Variants in CMTR1 observed in about 807,000 individuals in gnomAD.
CMTR1 encodes the protein cap-specific mRNA (nucleoside-2'-O-)-methyltransferase 1.
CMTR1 carries 39 observed loss-of-function variants against 107.0 expected under a neutral mutation model. The ratio of observed to expected loss-of-function variants is 0.36; its 90% CI spans 0.28 to 0.48. The LOEUF (loss-of-function observed/expected upper bound fraction) is 0.48. CMTR1 is among the 20% of genes least tolerant of loss of function. CMTR1 has a pLI of 0.99. For synonymous variants in CMTR1, 366 were observed against 379.5 expected (o/e 0.96, Z 0.41); for missense variants, 672 against 1,064.9 (o/e 0.63, Z 5.14).
upstream of CMTR1, among the ~76,000 whole-genome samples, chr6:37,431,081 C>G (rs150583742): frequency 6.6e-6 from 1 of 150,540 alleles, no homozygotes; most frequent in Non-Finnish European, 1.5e-5. Flanking sequence ...TTTTTTCCAG[C>G]ACTATTCATT....
intron 10 of CMTR1, among the ~76,000 whole-genome samples, chr6:37,460,182 GGACA>G (rs748463595): frequency 6.6e-6 from 1 of 152,246 alleles, no homozygotes; most frequent in Admixed American, 6.5e-5. Flanking sequence ...TCTAGAGGAA[GGACA>G]GACAATTTGG....
chr6:37,433,528 C>G (rs917877966), intron 1 of CMTR1, among the ~76,000 whole-genome samples, 151 bp downstream of exon 1: 12 of 152,364 alleles, frequency 7.9e-5, no homozygotes, highest in Non-Finnish European at 1.5e-4. Flanking sequence ...CCTCCCACCC[C>G]CAACGCCGGC....
the CMTR1 span, among the ~76,000 whole-genome samples, chr6:37,426,194 T>C: frequency 6.6e-6 from 1 of 152,214 alleles, no homozygotes; most frequent in Non-Finnish European, 1.5e-5. Context: ...TTTTCTTCAC[T>C]TTCTCCACAT....
At chr6:37,438,015 A>C (rs1440843571) in intron 2 of CMTR1, among the ~76,000 whole-genome samples, 1 of 151,932 alleles carries the variant, frequency 6.6e-6, no homozygotes, top group Non-Finnish European at 1.5e-5. Context: ...AATTGAGATT[A>C]CTCTTCCCCC....
upstream of CMTR1, among the ~76,000 whole-genome samples, chr6:37,430,082 G>A (rs868363102): frequency 1.3e-5 from 2 of 152,070 alleles, no homozygotes; most frequent in East Asian, 1.9e-4. Context: ...AACTATATTC[G>A]CATTGTTGTG....
Position 37,458,552 on chromosome 6 carries a change from C to CT in CMTR1, c.778-59dup. On this transcript the variant is annotated intron_variant, in intron 8 of 23. Transcript: ENST00000373451. This position sits in a 1 kb window ranked among gnomAD's most constrained non-coding sequence, Gnocchi z 4.7. ...TTTTACTCTCCCTGCATTCTCCTTC[C>CT]TGTTGCCCATTGAGCTGTCTTGTTT... The CT allele has an allele frequency of 1.3e-6, 2 of 1,535,318 alleles. No individual in the cohort carries two copies. Among genetic ancestry groups the CT allele is most frequent in the South Asian group, 2.3e-5 (2 of 86,648 alleles).
Position 37,477,655 on chromosome 6 carries a change from G to A in CMTR1, c.2153+16G>A, listed in dbSNP as rs377330120. ...TTTTTGTCAGGTGAGTGACTTGACC[G>A]GTGAAGCTCAGATTCAAGAGGAGGT... On this transcript the variant is annotated intron_variant, in intron 21 of 23. Coordinates refer to ENST00000373451, the MANE Select transcript of CMTR1 (RefSeq NM_015050.3). The A allele has an allele frequency of 2.3e-4, 362 of 1,608,030 alleles. No homozygotes were observed. Among genetic ancestry groups the A allele is most frequent in the Middle Eastern group, 6.6e-4 (4 of 6,064 alleles).
At chr6:37,474,772 G>C in intron 18 of CMTR1, 126 bp downstream of exon 18, 1 of 1,426,540 alleles carries the variant, frequency 7.0e-7, no homozygotes, top group Non-Finnish European at 9.5e-7. Context: ...CAGGGCTGGG[G>C]TAAGGGTTTA....
At chr6:37,435,803 T>C in intron 2 of CMTR1, 41 bp downstream of exon 2, 1 of 1,545,776 alleles carries the variant, frequency 6.5e-7, no homozygotes, top group Non-Finnish European at 8.7e-7. Flanking sequence ...GGCCATCTGG[T>C]TATTTGAACA....
At chr6:37,477,481 G>C (rs1433484889) in intron 20 of CMTR1, 111 bp from the exon 21 acceptor site, 1 of 939,686 alleles carries the variant, frequency 1.1e-6, no homozygotes, top group Non-Finnish European at 1.7e-6. Context: ...GTTTCAGGGA[G>C]GGCCTGGGGC....
At chr6:37,427,454 TACC>T in the CMTR1 span, among the ~76,000 whole-genome samples, 1 of 152,210 alleles carries the variant, frequency 6.6e-6, no homozygotes, top group Non-Finnish European at 1.5e-5. The surrounding 1 kb of genome is among the most constrained non-coding windows in gnomAD (Gnocchi z 4.4). Context: ...ATTAATATTT[TACC>T]ACTTTCAGTG....
intron 13 of CMTR1, among the ~76,000 whole-genome samples, chr6:37,466,834 C>CGT: frequency 6.6e-6 from 1 of 152,056 alleles, no homozygotes; most frequent in South Asian, 2.1e-4. Flanking sequence ...TCTGCACATA[C>CGT]GTGTATATAT....
chr6:37,462,709 G>T, intron 12 of CMTR1, 120 bp from the exon 13 acceptor site: 1 of 864,246 alleles, frequency 1.2e-6, no homozygotes, highest in Non-Finnish European at 1.9e-6. Context: ...TTCTTTGTGC[G>T]TAGGCCTAAG....
chr6:37,430,209 C>T (rs970831910), upstream of CMTR1, among the ~76,000 whole-genome samples: 7 of 152,190 alleles, frequency 4.6e-5, no homozygotes. Context: ...TTCCTTTCTC[C>T]ATATTCCTGC....
chr6:37,475,225 G>A lies in CMTR1; in HGVS notation c.1945-96G>A, dbSNP rs1433679768. ...CATTTAGAGCCCTACCCTTCCCCCA[G>A]CTGTAGGCAGAATGGAGCCAGCATG... On this transcript the variant is annotated intron_variant, in intron 18 of 23. Coordinates refer to ENST00000373451, the MANE Select transcript of CMTR1 (RefSeq NM_015050.3). 3 of 947,034 alleles carry A rather than the reference G, an allele frequency of 3.2e-6. No homozygotes were observed. The African/African-American group carries it at 4.8e-5, about 15-fold the overall frequency. The allele number at this position is 947,034 out of a possible 1,614,324, so 58.7% of individuals were successfully genotyped here.
chr6:37,468,160 C>CTTT (rs796839914), intron 13 of CMTR1, among the ~76,000 whole-genome samples: 1 of 141,754 alleles, frequency 7.1e-6, no homozygotes, highest in Non-Finnish European at 1.6e-5. Flanking sequence ...TTTTAGATGC[C>CTTT]TTTTTTTTTT....
At chr6:37,479,960 C>A in intron 23 of CMTR1, 53 bp from the exon 24 acceptor site, 1 of 1,456,198 alleles carries the variant, frequency 6.9e-7, no homozygotes, top group South Asian at 1.5e-5. Flanking sequence ...AACACATGAC[C>A]CTGTGCCATC....
intron 14 of CMTR1, 88 bp downstream of exon 14, chr6:37,471,165 A>C (rs1319667115): frequency 8.1e-7 from 1 of 1,239,318 alleles, no homozygotes. Context: ...TTTTCATTTC[A>C]ACAAACATTT....
chr6:37,470,901 A>G (rs1761610278), intron 13 of CMTR1, 120 bp from the exon 14 acceptor site: 1 of 714,276 alleles, frequency 1.4e-6, no homozygotes, highest in Non-Finnish European at 2.2e-6. Flanking sequence ...TTCTTTCTCA[A>G]CTCTCCAGCT....
Sources: gnomAD v4.1 joint callset for allele counts (sites outside exome capture counted in the v4.1 genomes callset) on GRCh38, gnomAD v4.1.1 for gene constraint, Gnocchi (gnomAD v3.1) non-coding constraint, MANE v1.5 for transcripts, NCBI Gene and HGNC (gene_info 2026-07-23, HGNC 2026-07-21) for gene names.